Variants in VHL observed in about 807,000 individuals in gnomAD.
VHL encodes von Hippel-Lindau disease tumor suppressor.
In VHL, 10 loss-of-function variants were observed where a neutral mutation model predicts 19.2. The ratio of observed to expected loss-of-function variants is 0.52; its 90% CI spans 0.32 to 0.89. The LOEUF (loss-of-function observed/expected upper bound fraction) is 0.89. Ranked by LOEUF, VHL falls within the 40% of genes least tolerant of loss-of-function variation. The pLI is 0.03. For missense variants in VHL, 328 were observed against 292.7 expected, an observed-to-expected ratio of 1.12 and a Z score of -0.88; for synonymous variants, 167 against 129.5, an observed-to-expected ratio of 1.29 and a Z score of -1.97.
chr3:10,145,796 C>T (rs1370753957), intron 1 of VHL, among the ~76,000 whole-genome samples: 2 of 151,784 alleles, frequency 1.3e-5, no homozygotes, highest in African/African-American at 4.8e-5. Flanking sequence ...AGTTTTCTCT[C>T]GACATGTTTT....
chr3:10,144,782 T>TA (rs1429449548), intron 1 of VHL, among the ~76,000 whole-genome samples: 1 of 152,134 alleles, frequency 6.6e-6, no homozygotes, highest in African/African-American at 2.4e-5. Flanking sequence ...TATTATACTT[T>TA]AAGTTCTAGG....
chr3:10,149,723 T>C, intron 2 of VHL, 64 bp from the exon 3 acceptor site: 1 of 1,440,692 alleles, frequency 6.9e-7, no homozygotes, highest in Non-Finnish European at 9.7e-7. Context: ...TGGCAAAGCC[T>C]CTTGTTCGTT....
chr3:10,146,463 C>G (rs772489344), intron 1 of VHL, 51 bp from the exon 2 acceptor site: 2 of 1,608,822 alleles, frequency 1.2e-6, no homozygotes, highest in Non-Finnish European at 1.7e-6. Flanking sequence ...TGTGGGCCAC[C>G]GTGCCCAGCC....
At chr3:10,147,148 AC>A (rs1696280922) in intron 2 of VHL, among the ~76,000 whole-genome samples, 1 of 150,158 alleles carries the variant, frequency 6.7e-6, no homozygotes, top group African/African-American at 2.5e-5. Context: ...AGTAGCTGGG[AC>A]TACAGGCGTG....
chr3:10,148,270 T>C (rs1476421949), intron 2 of VHL, among the ~76,000 whole-genome samples: 1 of 151,698 alleles, frequency 6.6e-6, no homozygotes, highest in African/African-American at 2.4e-5. Context: ...TTCCAGTGAG[T>C]GTAAAATAGG....
intron 1 of VHL, among the ~76,000 whole-genome samples, chr3:10,145,846 CAG>C (rs1696242417): frequency 6.6e-6 from 1 of 152,098 alleles, no homozygotes; most frequent in Non-Finnish European, 1.5e-5. Context: ...TTTGAGAAGT[CAG>C]TGGCTTTTTC....
intron 1 of VHL, among the ~76,000 whole-genome samples, chr3:10,143,378 C>T (rs1187520487): frequency 2.0e-5 from 3 of 152,172 alleles, no homozygotes; most frequent in Non-Finnish European, 4.4e-5. Context: ...ATCCACCCGC[C>T]TTGGCCTCCC....
Position 10,149,933 on chromosome 3 carries a change from G to T in VHL, c.610G>T (p.Glu204Ter), listed in dbSNP as rs758853661. The T allele has an allele frequency of 1.2e-6, 2 of 1,614,142 alleles. No individual in the cohort carries two copies. Among genetic ancestry groups the T allele is most frequent in the Non-Finnish European group, 1.7e-6 (2 of 1,180,028 alleles). ...VQKDLERLTQ[E>*]RIAHQRMGD ...GAAAGACCTGGAGCGGCTGACACAGGAGCGCATTGCACATCAACGGATGGG... is the reference window on the plus strand; with the variant it reads ...GAAAGACCTGGAGCGGCTGACACAGTAGCGCATTGCACATCAACGGATGGG... Residue 204 changes from glutamate (E) to a stop codon, truncating the protein, a stop_gained, in exon 3 of 3, where the codon GAG becomes TAG. Coordinates refer to ENST00000256474, the MANE Select transcript of VHL (RefSeq NM_000551.4). LOFTEE classifies it high-confidence loss of function.
intron 1 of VHL, chr3:10,143,143 T>C (rs1306378508): frequency 6.8e-6 from 1 of 147,576 alleles, no homozygotes; most frequent in Non-Finnish European, 1.5e-5. Flanking sequence ...GAGACGGGAG[T>C]CTTGCTCTGC....
intron 1 of VHL, among the ~76,000 whole-genome samples, chr3:10,143,670 A>G (rs524411): frequency 0.04 from 6,060 of 151,712 alleles, 199 homozygotes; most frequent in South Asian, 0.11. Flanking sequence ...GATGGTCTCC[A>G]TCTCCTGCGC....
In VHL at chr3:10,150,476, G is replaced by T; in HGVS notation, c.*511G>T. The T allele has an allele frequency of 1.6e-6, 1 of 634,772 alleles. No individual in the cohort carries two copies. The allele number at this position is 634,772 out of a possible 1,614,324, so 39.3% of individuals were successfully genotyped here. ...CTGCACATCATGAGCCTTCAGTCAG[G>T]GTTTGTCAGAGGAACAAACCAGGGG... On this transcript the variant is annotated 3_prime_UTR_variant, in exon 3 of 3. Transcript: ENST00000256474.
chr3:10,146,850 T>C (rs892067264), intron 2 of VHL, among the ~76,000 whole-genome samples: 1 of 152,170 alleles, frequency 6.6e-6, no homozygotes, highest in Non-Finnish European at 1.5e-5. Flanking sequence ...CACTTTGGGC[T>C]CTTAAGAGAC....
intron 2 of VHL, among the ~76,000 whole-genome samples, chr3:10,149,563 G>A (rs1299584092): frequency 6.6e-6 from 1 of 152,192 alleles, no homozygotes; most frequent in Non-Finnish European, 1.5e-5. Context: ...GCAATCACAA[G>A]CCCAGCCCAT....
intron 2 of VHL, 42 bp from the exon 3 acceptor site, chr3:10,149,745 G>T (rs2125130386): frequency 6.4e-7 from 1 of 1,555,044 alleles, no homozygotes. Context: ...CTTGTACTGA[G>T]ACCCTAGTCT....
chr3:10,142,184 C>G lies in VHL; in HGVS notation c.337C>G (p.Arg113Gly), dbSNP rs5030810. The G allele has an allele frequency of 1.3e-6, 2 of 1,597,952 alleles. No individual in the cohort carries two copies. The highest frequency in any genetic ancestry group is 1.1e-5 in the South Asian group (1 of 90,846). ...PGTGRRIHSYRGHLWLFRDAG... is the reference protein window; with the variant it reads ...PGTGRRIHSYGGHLWLFRDAG... Reference sequence around the variant, plus strand: ...CACGGGCCGCCGCATCCACAGCTACCGAGGTACGGGCCCGGCGCTTAGGCC... The same window carrying G: ...CACGGGCCGCCGCATCCACAGCTACGGAGGTACGGGCCCGGCGCTTAGGCC... The change falls in exon 1 of 3, where the codon CGA becomes GGA. Residue 113 changes from arginine to glycine, a missense_variant. By Grantham distance (125) the Arg-to-Gly change is moderately radical (BLOSUM62 -2). Transcript: ENST00000256474.
intron 1 of VHL, among the ~76,000 whole-genome samples, chr3:10,143,999 A>G (rs1459290754): frequency 2.0e-5 from 3 of 152,170 alleles, no homozygotes; most frequent in Non-Finnish European, 4.4e-5. Flanking sequence ...AAGGATCCCG[A>G]TCTTTCTTCC....
In VHL at chr3:10,150,754, AGAAAATAC is replaced by A. The variant is rs1291484853; in HGVS notation, c.*792_*799del. The A allele has an allele frequency of 4.3e-6, 1 of 233,296 alleles. No homozygotes were observed. The highest frequency in any genetic ancestry group is 8.5e-6 in the Non-Finnish European group (1 of 118,072). 14.5% of individuals were successfully genotyped at this position (233,296 alleles called of 1,614,324 possible). A position where few individuals can be genotyped will look rare whatever the true frequency, so the allele number is the denominator to read the frequency against. Reference sequence around the variant, plus strand: ...CATTTTTGTAACTTGCCATCCGCACAGAAAATACGAGAAAATCTGCATGTTTGATTATA... The same window carrying A: ...CATTTTTGTAACTTGCCATCCGCACAGAGAAAATCTGCATGTTTGATTATA... On this transcript the variant is annotated 3_prime_UTR_variant, in exon 3 of 3. Transcript: ENST00000256474.
chr3:10,149,373 A>G (rs537606259), intron 2 of VHL, among the ~76,000 whole-genome samples: 11 of 152,028 alleles, frequency 7.2e-5, no homozygotes, highest in Middle Eastern at 3.4e-3. Flanking sequence ...TTGGCCTCCC[A>G]AAGTGTTGGG....
intron 1 of VHL, among the ~76,000 whole-genome samples, chr3:10,143,297 AT>A (rs1172224173): frequency 6.0e-5 from 9 of 149,300 alleles, no homozygotes; most frequent in Admixed American, 1.3e-4. Flanking sequence ...CTCCTGGCTA[AT>A]TTTTTTTTTA....
Sources: allele counts gnomAD v4.1 joint callset (sites outside exome capture counted in the v4.1 genomes callset), GRCh38; gene constraint gnomAD v4.1.1; transcripts MANE v1.5; gene names NCBI Gene and HGNC (gene_info 2026-07-23, HGNC 2026-07-21).